The following VWF variants were observed in gnomAD, a reference collection of about 807,000 sequenced individuals.
VWF encodes von Willebrand factor.
Under a neutral mutation model 308.6 loss-of-function variants are expected in VWF, and 176 were observed. That is an observed-to-expected ratio of 0.57 (90% CI 0.50 to 0.65). The LOEUF (loss-of-function observed/expected upper bound fraction) is 0.65. VWF is among the 30% of genes least tolerant of loss of function. The pLI is 0.00. For missense variants in VWF, 3,146 were observed against 3,648.2 expected (o/e 0.86, Z 3.55); for synonymous variants, 1,385 against 1,443.4 (o/e 0.96, Z 0.92).
intron 4 of VWF, 115 bp downstream of exon 4, chr12:6,110,751 A>C: frequency 7.4e-7 from 1 of 1,347,998 alleles, no homozygotes; most frequent in Non-Finnish European, 1.1e-6. Flanking sequence ...CCTGCTACTC[A>C]CTTCCTTGGA....
At position 5,996,040 on chromosome 12, in the gene VWF, G is replaced by A. The variant is rs761740133; in HGVS notation, c.6025C>T (p.His2009Tyr). The change falls in exon 35 of 52, where the codon CAC (histidine) becomes TAC (tyrosine). Residue 2009 changes from histidine to tyrosine, a missense_variant. By Grantham distance (83) the His-to-Tyr change is moderately conservative. Around this residue, in one of 3 missense-constraint regions of VWF, gnomAD observed 989 missense variants for 1,117.4 expected, o/e 0.89. Coordinates refer to ENST00000261405, the MANE Select transcript of VWF (RefSeq NM_000552.5). Reference protein sequence around the residue: ...QGCMKSIEVKHSALSVELHSD... With the variant: ...QGCMKSIEVKYSALSVELHSD... ...TGCAGCTCGACGGAGAGGGCACTGT[G>A]CTTCACCTCGATGGATTTCATGCAG... is the stretch of plus-strand genomic sequence containing the variant. The A allele has an allele frequency of 1.2e-6, 2 of 1,613,544 alleles. No homozygotes were observed. Among genetic ancestry groups the A allele is most frequent in the Non-Finnish European group, 1.7e-6 (2 of 1,180,012 alleles).
chr12:6,037,369 TAG>T (rs1944348417), intron 18 of VWF, among the ~76,000 whole-genome samples: 1 of 152,136 alleles, frequency 6.6e-6, no homozygotes. Context: ...CGATCAGAAC[TAG>T]AGTCTGGGGG....
chr12:5,979,812 C>T (rs1296724671), intron 42 of VWF, among the ~76,000 whole-genome samples: 2 of 150,874 alleles, frequency 1.3e-5, no homozygotes, highest in South Asian at 2.1e-4. Flanking sequence ...GAGGCAGAGG[C>T]GGGTGGATCA....
At position 5,991,934 on chromosome 12, in the gene VWF, C is replaced by A. The variant is rs769020774; in HGVS notation, c.6683G>T (p.Gly2228Val). 6.2e-7 allele frequency: 1 copy of A among 1,614,182 alleles called. No individual in the cohort carries two copies. Among genetic ancestry groups the A allele is most frequent in the Non-Finnish European group, 8.5e-7 (1 of 1,180,024 alleles). The change falls in exon 38 of 52, where the codon GGG (glycine) becomes GTG (valine). Residue 2228 changes from glycine (G) to valine (V), a missense_variant. This residue lies in a region of VWF where 989 missense variants were observed against 1,117.4 expected (regional missense o/e 0.89). Coordinates refer to ENST00000261405, the MANE Select transcript of VWF (RefSeq NM_000552.5). ...GAAACAGCCTTCGGAGGGATGGTCCCCACAGGAGCTCACGTTGCCATCACA... is the reference window on the plus strand; with the variant it reads ...GAAACAGCCTTCGGAGGGATGGTCCACACAGGAGCTCACGTTGCCATCACA... ...RHCDGNVSSC[G>V]DHPSEGCFCP...
Position 6,075,395 on chromosome 12 carries a change from C to A in VWF, c.814G>T (p.Ala272Ser), listed in dbSNP as rs747799959. ...ECACPALLEY[A>S]RTCAQEGMVL... ...ATTCCCTCCTGGGCACAGGTCCGGG[C>A]GTACTCCAGGAGGGCAGGGCAGGCG... is the stretch of plus-strand genomic sequence containing the variant. The change falls in exon 7 of 52, where the codon GCC (alanine) becomes TCC (serine). Residue 272 changes from alanine (A) to serine (S), a missense_variant. By Grantham distance (99) the Ala-to-Ser change is moderately conservative. This residue lies in a region of VWF where 1,304 missense variants were observed against 1,353.0 expected (regional missense o/e 0.96). Transcript: ENST00000261405. The surrounding 1 kb of genome is among the most constrained non-coding windows in gnomAD (Gnocchi z 4.7). 7.4e-6 allele frequency: 12 copies of A among 1,613,978 alleles called. No homozygotes were observed. Among genetic ancestry groups the A allele is most frequent in the Non-Finnish European group, 1.0e-5 (12 of 1,180,024 alleles).
At chr12:6,036,567 G>C in intron 18 of VWF, 76 bp from the exon 19 acceptor site, 1 of 1,402,618 alleles carries the variant, frequency 7.1e-7, no homozygotes, top group African/African-American at 1.4e-5. Flanking sequence ...GCTCCAGGAA[G>C]TGTTGTCTGA....
chr12:6,016,745 C>T lies in VWF; in HGVS notation c.5170+9G>A. On this transcript the variant is annotated intron_variant, in intron 29 of 51. Coordinates refer to ENST00000261405, the MANE Select transcript of VWF (RefSeq NM_000552.5). ...GTCACCTGCTGCTTCAGGTGCCTCG[C>T]TCACCCACCTATATTGGCTTTTGAA... The T allele has an allele frequency of 1.9e-6, 3 of 1,614,232 alleles. No individual in the cohort carries two copies. Among genetic ancestry groups the T allele is most frequent in the Non-Finnish European group, 8.5e-7 (1 of 1,180,042 alleles).
In VWF at chr12:6,065,271, C is replaced by G. The variant is rs768578418; in HGVS notation, c.1159G>C (p.Glu387Gln). The part of the protein sequence containing the change: ...WICSNEECPG[E>Q]CLVTGQSHFK... ...TGTGATTGACCTGTGACAAGGCACT[C>G]CCCTGGAGAGACACAGAGGAAGGGA... Residue 387 changes from glutamate (E) to glutamine (Q), a missense_variant and splice_region_variant, in exon 11 of 52, where the codon GAG becomes CAG. This residue lies in a region of VWF where 1,304 missense variants were observed against 1,353.0 expected (regional missense o/e 0.96). Transcript: ENST00000261405. 8 of 1,613,918 alleles carry G rather than the reference C, an allele frequency of 5.0e-6. No homozygotes were observed. In the African/African-American group the frequency reaches 8.0e-5, roughly 16 times the overall value.
intron 1 of VWF, among the ~76,000 whole-genome samples, chr12:6,123,624 G>C (rs1333375257): frequency 6.6e-6 from 1 of 152,174 alleles, no homozygotes; most frequent in Non-Finnish European, 1.5e-5. Flanking sequence ...CCCAGACATA[G>C]AGAATGCTCA....
intron 43 of VWF, among the ~76,000 whole-genome samples, chr12:5,972,826 C>A (rs1310215035): frequency 6.6e-6 from 1 of 152,122 alleles, no homozygotes; most frequent in African/African-American, 2.4e-5. Flanking sequence ...CTCCAAGATA[C>A]AGCAGAACAT....
chr12:5,984,850 T>C (rs1764190497), intron 40 of VWF, among the ~76,000 whole-genome samples, 195 bp downstream of exon 40: 1 of 152,272 alleles, frequency 6.6e-6, no homozygotes, highest in African/African-American at 2.4e-5. Context: ...TAATTTACAG[T>C]AGATTCTTCT....
intron 10 of VWF, among the ~76,000 whole-genome samples, chr12:6,069,527 A>T (rs547110106): frequency 6.6e-6 from 1 of 152,288 alleles, no homozygotes; most frequent in Admixed American, 6.5e-5. Flanking sequence ...CTCTATCTGC[A>T]GTCATCACAC....
At chr12:5,964,254 A>ATGCATACATACATG (rs1943366207) in intron 47 of VWF, among the ~76,000 whole-genome samples, 9 of 129,918 alleles carry the variant, frequency 6.9e-5, no homozygotes, top group African/African-American at 2.8e-4. Context: ...ATACATGCAT[A>ATGCATACATACATG]CATACATACA....
At chr12:6,092,584 G>A (rs1446205460) in intron 6 of VWF, among the ~76,000 whole-genome samples, 2 of 123,714 alleles carry the variant, frequency 1.6e-5, no homozygotes, top group African/African-American at 8.4e-5. Flanking sequence ...GTGCGTGCAT[G>A]CCACCATGCC....
chr12:5,949,246 A>T, intron 51 of VWF, 43 bp from the exon 52 acceptor site: 1 of 1,603,378 alleles, frequency 6.2e-7, no homozygotes. Context: ...CAATGGTGGG[A>T]AGTCCTGGCT....
At chr12:6,031,229 C>T (rs575173142) in intron 21 of VWF, among the ~76,000 whole-genome samples, 2 of 152,290 alleles carry the variant, frequency 1.3e-5, no homozygotes, top group East Asian at 1.9e-4. Context: ...TCTGCACTGT[C>T]GCTAAAATGG....
At chr12:6,107,645 A>G (rs1203432084) in intron 5 of VWF, among the ~76,000 whole-genome samples, 1 of 152,056 alleles carries the variant, frequency 6.6e-6, no homozygotes, top group Non-Finnish European at 1.5e-5. Context: ...AATTCCCTAG[A>G]AAGATTCAAT....
At chr12:5,974,855 G>T (rs1422982290) in intron 43 of VWF, among the ~76,000 whole-genome samples, 2 of 152,148 alleles carry the variant, frequency 1.3e-5, no homozygotes, top group Non-Finnish European at 2.9e-5. Flanking sequence ...AGATCCTCCT[G>T]TATCTTTTCT....
intron 3 of VWF, among the ~76,000 whole-genome samples, chr12:6,117,250 C>T (rs1234790260): frequency 1.3e-5 from 2 of 152,200 alleles, no homozygotes; most frequent in Non-Finnish European, 2.9e-5. Flanking sequence ...GTGGGGAATC[C>T]CACCAAGGGG....
Sources: gnomAD v4.1 joint callset for allele counts (sites outside exome capture counted in the v4.1 genomes callset) on GRCh38, gnomAD v4.1.1 for gene constraint, gnomAD v4.1.1 regional missense constraint, Gnocchi (gnomAD v3.1) non-coding constraint, MANE v1.5 for transcripts, NCBI Gene and HGNC (gene_info 2026-07-23, HGNC 2026-07-21) for gene names.